The following ALK variants were observed in gnomAD, a reference collection of about 807,000 sequenced individuals.
ALK encodes ALK receptor tyrosine kinase.
Under a neutral mutation model 163.1 loss-of-function variants are expected in ALK, and 74 were observed. The ratio of observed to expected loss-of-function variants is 0.45; its 90% CI spans 0.38 to 0.55. The LOEUF (loss-of-function observed/expected upper bound fraction) is 0.55. ALK is among the 20% of genes least tolerant of loss of function. ALK has a pLI of 0.00. For synonymous variants in ALK, 960 were observed against 843.2 expected, an observed-to-expected ratio of 1.14 and a Z score of -2.40; for missense variants, 2,063 against 2,105.3, an observed-to-expected ratio of 0.98 and a Z score of 0.39.
intron 23 of ALK, 98 bp downstream of exon 23, chr2:29,220,608 A>G: frequency 6.4e-7 from 1 of 1,572,180 alleles, no homozygotes; most frequent in Non-Finnish European, 8.7e-7. Context: ...CCTGGGTTCC[A>G]TCGAGGAACT....
intron 3 of ALK, among the ~76,000 whole-genome samples, chr2:29,538,780 T>C (rs1673331275): frequency 6.6e-6 from 1 of 152,226 alleles, no homozygotes; most frequent in Non-Finnish European, 1.5e-5. Flanking sequence ...TTCATAATTC[T>C]AAATATTATA....
chr2:29,232,482 C>T (rs200925948), intron 14 of ALK, 34 bp from the exon 15 acceptor site: 172 of 1,613,748 alleles, frequency 1.1e-4, no homozygotes, highest in East Asian at 1.0e-3. Context: ...ATTGAGAAAC[C>T]GAGCTGTGCT....
chr2:29,564,444 C>G (rs530425481), intron 3 of ALK, among the ~76,000 whole-genome samples: 2 of 107,828 alleles, frequency 1.9e-5, no homozygotes, highest in Non-Finnish European at 4.1e-5. Context: ...TACCACCACC[C>G]CCACCGCCAC....
chr2:29,660,426 C>T (rs1677313986), intron 3 of ALK, among the ~76,000 whole-genome samples: 1 of 152,100 alleles, frequency 6.6e-6, no homozygotes, highest in Non-Finnish European at 1.5e-5. Context: ...CTCTCAAGGC[C>T]CCTCTTGAGG....
chr2:29,424,435 G>A (rs576195004), intron 4 of ALK, among the ~76,000 whole-genome samples: 185 of 152,210 alleles, frequency 1.2e-3, no homozygotes, highest in Non-Finnish European at 2.1e-3. Context: ...TCTGAATATC[G>A]TGGCTACATA....
chr2:29,470,951 G>A (rs1486891918), intron 4 of ALK, among the ~76,000 whole-genome samples: 2 of 152,128 alleles, frequency 1.3e-5, no homozygotes, highest in Non-Finnish European at 2.9e-5. Flanking sequence ...TGGAGTTTAA[G>A]TAATCAGGTT....
In ALK at chr2:29,875,633, C is replaced by T. The variant is rs113601169; in HGVS notation, c.667+44360G>A. Among the ~76,000 whole-genome samples, 1,389 of 152,200 alleles carry T rather than the reference C, an allele frequency of 9.1e-3. 31 individuals carry two copies. Among genetic ancestry groups the T allele is most frequent in the African/African-American group, 0.032 (1,322 of 41,516 alleles). ...GCGTGTGATGTTCCTCCCACTGTGT[C>T]CATGTGTTCTCGTTGTTCAATTCCC... On this transcript the variant is annotated intron_variant, in intron 1 of 28. Coordinates refer to ENST00000389048, the MANE Select transcript of ALK (RefSeq NM_004304.5).
chr2:29,727,994 T>A (rs1679620871), intron 1 of ALK, among the ~76,000 whole-genome samples: 1 of 152,188 alleles, frequency 6.6e-6, no homozygotes, highest in Non-Finnish European at 1.5e-5. Flanking sequence ...AAATATGATC[T>A]TCTGTGCCCC....
At chr2:29,522,419 G>A (rs750376273) in intron 4 of ALK, among the ~76,000 whole-genome samples, 3 of 152,082 alleles carry the variant, frequency 2.0e-5, no homozygotes, top group African/African-American at 7.2e-5. Context: ...TACAAATTAC[G>A]GGGAATGAAG....
intron 2 of ALK, among the ~76,000 whole-genome samples, chr2:29,705,287 A>ATC (rs1553349887): frequency 6.1e-4 from 72 of 117,648 alleles, no homozygotes; most frequent in African/African-American, 1.7e-3. Context: ...ATATAAATAT[A>ATC]TATCTGCTGT....
At chr2:29,582,113 G>C (rs980320440) in intron 3 of ALK, among the ~76,000 whole-genome samples, 4 of 152,200 alleles carry the variant, frequency 2.6e-5, no homozygotes, top group Non-Finnish European at 5.9e-5. Context: ...CCCTGACCTT[G>C]AGTTGCTCAG....
In ALK at chr2:29,920,902, C is replaced by G. The variant is rs1355631860; in HGVS notation, c.-243G>C. 3 of 558,214 alleles carry G rather than the reference C, an allele frequency of 5.4e-6. No individual in the cohort carries two copies. Among genetic ancestry groups the G allele is most frequent in the Non-Finnish European group, 9.6e-6 (3 of 313,462 alleles). 34.6% of individuals were successfully genotyped at this position (558,214 alleles called of 1,614,324 possible). A position where few individuals can be genotyped will look rare whatever the true frequency, so the allele number is the denominator to read the frequency against. On this transcript the variant is annotated 5_prime_UTR_variant, in exon 1 of 29. Coordinates refer to ENST00000389048, the MANE Select transcript of ALK (RefSeq NM_004304.5). Reference sequence around the variant, plus strand: ...TCCAGAGACACTCAAGCACACTGGGCTCACTGGCTGGGACCTTGAGCCTCC... The same window carrying G: ...TCCAGAGACACTCAAGCACACTGGGGTCACTGGCTGGGACCTTGAGCCTCC...
chr2:29,559,272 G>T (rs1183772462), intron 3 of ALK, among the ~76,000 whole-genome samples: 2 of 152,162 alleles, frequency 1.3e-5, no homozygotes, highest in African/African-American at 4.8e-5. Context: ...GGTGGTTTTG[G>T]GGACTCAGAA....
intron 9 of ALK, among the ~76,000 whole-genome samples, chr2:29,295,266 G>A (rs1178990222): frequency 2.0e-5 from 3 of 152,126 alleles, no homozygotes; most frequent in South Asian, 2.1e-4. Flanking sequence ...AGAGTGAACC[G>A]AGTCAACATC....
At chr2:29,528,966 G>C (rs978873578) in intron 4 of ALK, among the ~76,000 whole-genome samples, 1 of 152,180 alleles carries the variant, frequency 6.6e-6, no homozygotes, top group Admixed American at 6.5e-5. Flanking sequence ...TCCAGCCAAA[G>C]CCCGGCAGCC....
chr2:29,651,711 T>C (rs910174302), intron 3 of ALK, among the ~76,000 whole-genome samples: 14 of 152,188 alleles, frequency 9.2e-5, no homozygotes, highest in African/African-American at 3.4e-4. Flanking sequence ...AGAGTCGTTC[T>C]CAGGGGTCCT....
At chr2:29,332,261 A>G (rs1360612780) in intron 5 of ALK, among the ~76,000 whole-genome samples, 2 of 130,864 alleles carry the variant, frequency 1.5e-5, no homozygotes, top group African/African-American at 2.9e-5. Context: ...ACTCCAGCCT[A>G]GGAGACAGAG....
chr2:29,907,616 A>G (rs1302837565), intron 1 of ALK, among the ~76,000 whole-genome samples: 3 of 152,030 alleles, frequency 2.0e-5, no homozygotes, highest in South Asian at 2.1e-4. Flanking sequence ...ACTCCATTCT[A>G]CTGTCTAATT....
chr2:29,588,618 T>C (rs1674959109), intron 3 of ALK, among the ~76,000 whole-genome samples: 1 of 152,174 alleles, frequency 6.6e-6, no homozygotes, highest in Non-Finnish European at 1.5e-5. Flanking sequence ...TAGCAAACTT[T>C]TTCTATAAAG....
Sources: allele counts gnomAD v4.1 joint callset (sites outside exome capture counted in the v4.1 genomes callset), GRCh38; gene constraint gnomAD v4.1.1; transcripts MANE v1.5; gene names NCBI Gene and HGNC (gene_info 2026-07-23, HGNC 2026-07-21).